Variants in ANO4 observed in about 807,000 individuals in gnomAD.
The protein encoded by ANO4 is anoctamin-4.
A neutral mutation model predicts 141.9 loss-of-function variants in ANO4; 69 were observed. The ratio of observed to expected loss-of-function variants is 0.49; its 90% CI spans 0.40 to 0.59. The LOEUF (loss-of-function observed/expected upper bound fraction) is 0.59, where lower values mean the gene tolerates loss of function less well. ANO4 is among the 20% of genes least tolerant of loss of function. ANO4 has a pLI of 0.00. For synonymous variants in ANO4, 350 were observed against 394.3 expected, an observed-to-expected ratio of 0.89 and a Z score of 1.33; for missense variants, 894 against 1,162.2, an observed-to-expected ratio of 0.77 and a Z score of 3.36.
At chr12:100,722,601 C>T (rs2030917432) in intron 1 of ANO4, among the ~76,000 whole-genome samples, 1 of 152,104 alleles carries the variant, frequency 6.6e-6, no homozygotes, top group African/African-American at 2.4e-5. Context: ...AGGGTAAGCC[C>T]TTTCCATAGC....
chr12:100,907,988 C>T (rs1292801685), intron 2 of ANO4, among the ~76,000 whole-genome samples: 1 of 152,100 alleles, frequency 6.6e-6, no homozygotes, highest in Non-Finnish European at 1.5e-5. Flanking sequence ...TAAGATATTC[C>T]TAATGGTGTT....
intron 17 of ANO4, 30 bp downstream of exon 17, chr12:101,086,854 G>A: frequency 1.9e-6 from 3 of 1,605,316 alleles, no homozygotes; most frequent in South Asian, 1.1e-5. Flanking sequence ...TAGCCAAACG[G>A]ATCAAAATGT....
chr12:100,883,095 C>T (rs2039651086), intron 1 of ANO4, among the ~76,000 whole-genome samples: 1 of 152,152 alleles, frequency 6.6e-6, no homozygotes, highest in Non-Finnish European at 1.5e-5. Flanking sequence ...AGTATCTTGC[C>T]ATGTCTTATA....
chr12:100,949,875 A>G (rs2042898737), intron 5 of ANO4, among the ~76,000 whole-genome samples: 1 of 152,170 alleles, frequency 6.6e-6, no homozygotes, highest in African/African-American at 2.4e-5. Context: ...TAGTAACAAC[A>G]ACAACAAAAA....
chr12:100,785,725 C>T (rs765930044), intron 3 of ANO4, among the ~76,000 whole-genome samples: 14 of 152,186 alleles, frequency 9.2e-5, no homozygotes, highest in Middle Eastern at 3.4e-3. Flanking sequence ...CAGGTTTTTA[C>T]GTGGACATAA....
At chr12:100,815,087 A>G (rs2035660724) in intron 1 of ANO4, among the ~76,000 whole-genome samples, 1 of 152,102 alleles carries the variant, frequency 6.6e-6, no homozygotes, top group African/African-American at 2.4e-5. Flanking sequence ...GGGCATGAGC[A>G]AGTGCATAAG....
At chr12:100,991,542 A>G (rs1167214677) in intron 8 of ANO4, among the ~76,000 whole-genome samples, 1 of 151,370 alleles carries the variant, frequency 6.6e-6, no homozygotes, top group African/African-American at 2.4e-5. Flanking sequence ...AAAGAGAAAA[A>G]CATTGAAAGT....
chr12:101,083,545 A>G (rs1438398601), intron 15 of ANO4, 133 bp from the exon 16 acceptor site: 9 of 1,126,568 alleles, frequency 8.0e-6, no homozygotes, highest in Non-Finnish European at 1.1e-5. Context: ...CTGGGCACCC[A>G]AACCCACTTC....
intron 14 of ANO4, among the ~76,000 whole-genome samples, chr12:101,064,414 C>A (rs1278044944): frequency 6.6e-6 from 1 of 151,910 alleles, no homozygotes; most frequent in African/African-American, 2.4e-5. Context: ...GTTTTATGAC[C>A]CACAGTATGA....
At chr12:101,124,047 T>C (rs1434018872) in intron 26 of ANO4, among the ~76,000 whole-genome samples, 1 of 152,198 alleles carries the variant, frequency 6.6e-6, no homozygotes, top group Non-Finnish European at 1.5e-5. Flanking sequence ...TGCCACACTG[T>C]CTTCCACAAT....
chr12:101,016,128 T>C (rs1415687401), intron 8 of ANO4, among the ~76,000 whole-genome samples: 2 of 152,128 alleles, frequency 1.3e-5, no homozygotes, highest in African/African-American at 4.8e-5. Context: ...ATAGCCCCTG[T>C]GTTAGGTTAT....
chr12:101,054,074 A>T (rs1248909729), intron 14 of ANO4, among the ~76,000 whole-genome samples: 1 of 152,236 alleles, frequency 6.6e-6, no homozygotes, highest in Non-Finnish European at 1.5e-5. Flanking sequence ...CAATTTCCAG[A>T]ATAAAAACCA....
chr12:100,935,058 C>T (rs1198790383), intron 3 of ANO4, among the ~76,000 whole-genome samples: 1 of 152,216 alleles, frequency 6.6e-6, no homozygotes, highest in Non-Finnish European at 1.5e-5. Flanking sequence ...GTGACTTCCT[C>T]ATTTCCTAAT....
intron 22 of ANO4, among the ~76,000 whole-genome samples, chr12:101,103,331 C>T (rs2050286553): frequency 6.7e-6 from 1 of 149,570 alleles, no homozygotes; most frequent in Non-Finnish European, 1.5e-5. Context: ...TGAAAGTGTT[C>T]AATATGTTAC....
At chr12:101,098,051 C>A in intron 21 of ANO4, 106 bp downstream of exon 21, 1 of 957,674 alleles carries the variant, frequency 1.0e-6, no homozygotes, top group Non-Finnish European at 1.6e-6. Context: ...TAAGCCAGTG[C>A]GTGCACCTGG....
intron 14 of ANO4, among the ~76,000 whole-genome samples, chr12:101,072,896 A>G (rs568488780): frequency 1.3e-5 from 2 of 152,342 alleles, no homozygotes; most frequent in East Asian, 3.9e-4. Flanking sequence ...ATCATCTTGC[A>G]CCAGTTAGAA....
chr12:100,953,857 G>A (rs1022720742), intron 5 of ANO4, among the ~76,000 whole-genome samples: 1 of 151,028 alleles, frequency 6.6e-6, no homozygotes, highest in Non-Finnish European at 1.5e-5. Flanking sequence ...GGTGTAGGAA[G>A]AGTAAGTGGA....
At chr12:101,048,536 G>C in intron 14 of ANO4, 135 bp downstream of exon 14, 1 of 740,392 alleles carries the variant, frequency 1.4e-6, no homozygotes, top group Non-Finnish European at 2.2e-6. Flanking sequence ...TAGAAAGTTG[G>C]TAAATAATTT....
intron 1 of ANO4, among the ~76,000 whole-genome samples, chr12:100,846,211 C>A (rs565691789): frequency 6.6e-6 from 1 of 152,272 alleles, no homozygotes; most frequent in Non-Finnish European, 1.5e-5. Flanking sequence ...TAGTAGTAAG[C>A]TGAAAAACAT....
Sources: allele counts gnomAD v4.1 joint callset (sites outside exome capture counted in the v4.1 genomes callset), GRCh38; gene constraint gnomAD v4.1.1; transcripts MANE v1.5; gene names NCBI Gene and HGNC (gene_info 2026-07-23, HGNC 2026-07-21).